HIPK2: variants seen among roughly 807,000 people sequenced by gnomAD.
The protein encoded by HIPK2 is homeodomain interacting protein kinase 2.
Under a neutral mutation model 113.7 loss-of-function variants are expected in HIPK2, and 27 were observed. The observed-to-expected ratio is 0.24, with a 90% CI of 0.17 to 0.33. HIPK2 has a LOEUF of 0.33. HIPK2 is among the 10% of genes least tolerant of loss of function. HIPK2 has a pLI of 1.00. For missense variants in HIPK2, 1,257 were observed against 1,588.0 expected (o/e 0.79, Z 3.54); for synonymous variants, 631 against 642.2 (o/e 0.98, Z 0.26).
At chr7:139,625,784 G>A (rs1176810530) in intron 6 of HIPK2, among the ~76,000 whole-genome samples, 1 of 152,092 alleles carries the variant, frequency 6.6e-6, no homozygotes, top group Non-Finnish European at 1.5e-5. Context: ...TCTCTCTTAC[G>A]GACTGCAAGC....
intron 4 of HIPK2, among the ~76,000 whole-genome samples, chr7:139,629,862 C>T (rs184570037): frequency 6.6e-6 from 1 of 152,070 alleles, no homozygotes; most frequent in Non-Finnish European, 1.5e-5. Flanking sequence ...CCTCCTCCAC[C>T]GGAGGACTCT....
At chr7:139,633,253 G>A (rs1800685417) in intron 2 of HIPK2, among the ~76,000 whole-genome samples, 2 of 152,066 alleles carry the variant, frequency 1.3e-5, no homozygotes, top group African/African-American at 4.8e-5. Context: ...AGCCTGGAGT[G>A]GGAGTGAAGG....
chr7:139,575,069 G>A, intron 14 of HIPK2, 59 bp downstream of exon 14: 1 of 1,521,306 alleles, frequency 6.6e-7, no homozygotes, highest in Non-Finnish European at 8.8e-7. Context: ...CCTCTCTGAA[G>A]CGGAAGGATG....
At chr7:139,649,768 C>T (rs1801389125) in intron 2 of HIPK2, among the ~76,000 whole-genome samples, 1 of 152,152 alleles carries the variant, frequency 6.6e-6, no homozygotes, top group South Asian at 2.1e-4. Context: ...GCAGGGACTA[C>T]TCTTTGTTCA....
chr7:139,735,875 T>C (rs1247733477), intron 1 of HIPK2, among the ~76,000 whole-genome samples: 1 of 152,128 alleles, frequency 6.6e-6, no homozygotes, highest in Admixed American at 6.5e-5. Context: ...AGTGTGCAGA[T>C]ACAATACAAA....
intron 7 of HIPK2, among the ~76,000 whole-genome samples, chr7:139,615,103 C>T (rs1799991144): frequency 6.6e-6 from 1 of 152,216 alleles, no homozygotes; most frequent in South Asian, 2.1e-4. Flanking sequence ...GAGGACAAAT[C>T]CAGGGGGAGG....
intron 1 of HIPK2, among the ~76,000 whole-genome samples, chr7:139,736,303 A>T (rs961492542): frequency 6.6e-6 from 1 of 152,200 alleles, no homozygotes; most frequent in African/African-American, 2.4e-5. Flanking sequence ...GAATGAAGGG[A>T]AGGCTGGTCC....
rs1293586963 is a variant in HIPK2, at chr7:139,572,621, CCTTTTT to C, written c.*300_*305del. ...TTTTTGTTATTGACTTTTTTTTTTT[CCTTTTT>C]CTTTTTTAAAATAAAAACCATAGAT... On this transcript the variant is annotated 3_prime_UTR_variant, in exon 15 of 15. Coordinates refer to ENST00000406875, the MANE Select transcript of HIPK2 (RefSeq NM_022740.5). The C allele has an allele frequency of 3.9e-6, 1 of 254,526 alleles. No homozygotes were observed. Among genetic ancestry groups the C allele is most frequent in the East Asian group, 6.9e-5 (1 of 14,524 alleles). The allele number at this position is 254,526 out of a possible 1,614,324, so 15.8% of individuals were successfully genotyped here. A position where few individuals can be genotyped will look rare whatever the true frequency, so the allele number is the denominator to read the frequency against.
intron 2 of HIPK2, among the ~76,000 whole-genome samples, chr7:139,698,820 G>C (rs1217221500): frequency 6.6e-6 from 1 of 152,114 alleles, no homozygotes; most frequent in East Asian, 1.9e-4. Context: ...CTAGCTCCTT[G>C]ACCAGGACTA....
intron 1 of HIPK2, among the ~76,000 whole-genome samples, chr7:139,761,180 G>A (rs1312279628): frequency 6.6e-6 from 1 of 152,178 alleles, no homozygotes; most frequent in African/African-American, 2.4e-5. Flanking sequence ...GTAACCAGAC[G>A]GCCCCAGGCA....
In HIPK2 at chr7:139,652,430, G is replaced by A. The variant is rs375912429; in HGVS notation, c.1104-20705C>T. On this transcript the variant is annotated intron_variant, in intron 2 of 14. Transcript: ENST00000406875. ...ATCACTGATATTTATTGAGCTCCCA[G>A]CATGTTCAAGACTCTGCTAGAGGGT... 3.5e-3 allele frequency among the ~76,000 whole-genome samples: 539 copies of A among 152,306 alleles called. 6 individuals carry two copies. The highest frequency in any genetic ancestry group is 0.012 in the African/African-American group (504 of 41,560).
At chr7:139,643,399 C>CAT (rs1326780285) in intron 2 of HIPK2, among the ~76,000 whole-genome samples, 2 of 152,030 alleles carry the variant, frequency 1.3e-5, no homozygotes, top group African/African-American at 4.8e-5. Flanking sequence ...CACACACACA[C>CAT]ACACACACAC....
rs1248308938 is a variant in HIPK2, at chr7:139,571,580, T to C, written c.*1347A>G. ...CGAGATCCACGGACTCTCTCCTAGC[T>C]CCTGCTGGCTTCCCTGGCATCCTTC... On this transcript the variant is annotated 3_prime_UTR_variant, in exon 15 of 15. Transcript: ENST00000406875. 2 of 151,780 alleles carry C rather than the reference T, an allele frequency of 1.3e-5. No individual in the cohort carries two copies. The highest frequency in any genetic ancestry group is 2.9e-5 in the Non-Finnish European group (2 of 67,986). 9.4% of individuals were successfully genotyped at this position (151,780 alleles called of 1,614,324 possible).
intron 1 of HIPK2, among the ~76,000 whole-genome samples, chr7:139,772,182 T>C (rs1303307105): frequency 6.6e-6 from 1 of 152,166 alleles, no homozygotes; most frequent in Non-Finnish European, 1.5e-5. Context: ...TCTGGGTAAG[T>C]AGCCACTGAA....
At position 139,620,424 on chromosome 7, in the gene HIPK2, G is replaced by T. The variant is rs1277963967; in HGVS notation, c.1759C>A (p.Gln587Lys). 1.2e-6 allele frequency: 2 copies of T among 1,613,986 alleles called. No individual in the cohort carries two copies. Among genetic ancestry groups the T allele is most frequent in the South Asian group, 1.1e-5 (1 of 91,082 alleles). ...STNLTMTFNN[Q>K]LTTVHNQAPS... is the part of the protein sequence containing the mutation. The stretch of plus-strand genomic sequence containing the variant: ...ACCTGGTTGTGGACAGTGGTCAGCT[G>T]GTTGTTAAAGGTCATGGTCAGGTTG... The change falls in exon 7 of 15, where the codon CAG becomes AAG. Residue 587 changes from glutamine to lysine, a missense_variant. By Grantham distance (53) the Gln-to-Lys change is moderately conservative. Transcript: ENST00000406875.
chr7:139,592,246 C>T lies in HIPK2; in HGVS notation c.2717+4471G>A, dbSNP rs144907659. 4.9e-3 allele frequency among the ~76,000 whole-genome samples: 749 copies of T among 152,224 alleles called. 7 individuals carry two copies. Among genetic ancestry groups the T allele is most frequent in the African/African-American group, 0.017 (700 of 41,534 alleles). ...TTAAAGTTTTCATTTTTGGTAACGT[C>T]GGCTGAAACAGTGGCTGCTTACACA... On this transcript the variant is annotated intron_variant, in intron 12 of 14. Transcript: ENST00000406875.
intron 2 of HIPK2, among the ~76,000 whole-genome samples, chr7:139,690,421 G>A (rs1794369170): frequency 6.6e-6 from 1 of 152,130 alleles, no homozygotes; most frequent in South Asian, 2.1e-4. Context: ...AGTGTTGGAG[G>A]TGGGAACTAA....
rs1347587536 is a variant in HIPK2 at position 139,631,246 on chromosome 7, T to G, written c.1266A>C (p.Glu422Asp). 6.2e-7 allele frequency: 1 copy of G among 1,613,644 alleles called. No individual in the cohort carries two copies. Among genetic ancestry groups the G allele is most frequent in the African/African-American group, 1.3e-5 (1 of 75,020 alleles). The change falls in exon 4 of 15, where the codon GAA (glutamate) becomes GAC (aspartate). Residue 422 changes from glutamate to aspartate, a missense_variant. Physicochemically the swap from Glu to Asp is conservative, Grantham distance 45 (BLOSUM62 2). Coordinates refer to ENST00000406875, the MANE Select transcript of HIPK2 (RefSeq NM_022740.5). The surrounding 1 kb of genome is among the most constrained non-coding windows in gnomAD (Gnocchi z 4.9). ...YISQTQGLPA[E>D]YLLSAGTKTT... is the part of the protein sequence containing the mutation. ...TCTTTGTCCCGGCGCTTAATAAATATTCAGCAGGCAAACCCTGTGTTTGTG... is the reference window on the plus strand; with the variant it reads ...TCTTTGTCCCGGCGCTTAATAAATAGTCAGCAGGCAAACCCTGTGTTTGTG...
At chr7:139,643,132 G>A (rs991872835) in intron 2 of HIPK2, among the ~76,000 whole-genome samples, 3 of 152,152 alleles carry the variant, frequency 2.0e-5, no homozygotes, top group Non-Finnish European at 4.4e-5. Flanking sequence ...TCATAACTGA[G>A]TATCTTCAGC....
Sources: allele counts gnomAD v4.1 joint callset (sites outside exome capture counted in the v4.1 genomes callset), GRCh38; gene constraint gnomAD v4.1.1; non-coding constraint Gnocchi (gnomAD v3.1); transcripts MANE v1.5; gene names NCBI Gene and HGNC (gene_info 2026-07-23, HGNC 2026-07-21).